Variants in BMPER observed in about 807,000 individuals in gnomAD.
BMPER encodes BMP-binding endothelial regulator protein.
Under a neutral mutation model 87.3 loss-of-function variants are expected in BMPER, and 45 were observed. The ratio of observed to expected loss-of-function variants is 0.52; its 90% confidence interval spans 0.41 to 0.66. The LOEUF (loss-of-function observed/expected upper bound fraction) is 0.66, where lower values mean the gene tolerates loss of function less well. Among genes scored for constraint, BMPER ranks in the 30% least tolerant of loss-of-function variants. The pLI is 0.00. For missense variants in BMPER, 784 were observed against 867.5 expected, an observed-to-expected ratio of 0.90 and a Z score of 1.21; for synonymous variants, 326 against 316.2, an observed-to-expected ratio of 1.03 and a Z score of -0.33.
intron 12 of BMPER, among the ~76,000 whole-genome samples, chr7:34,079,469 C>T (rs1788955428): frequency 1.3e-5 from 2 of 152,180 alleles, no homozygotes; most frequent in African/African-American, 2.4e-5. Flanking sequence ...CCTTTCCATC[C>T]TCTGTCTAAA....
intron 10 of BMPER, 39 bp from the exon 11 acceptor site, chr7:34,061,963 T>C: frequency 1.3e-6 from 2 of 1,536,216 alleles, no homozygotes; most frequent in Non-Finnish European, 8.9e-7. Context: ...TTTTTTTTTT[T>C]TTAAACAGTA....
chr7:34,144,179 T>C (rs1266153408), intron 14 of BMPER, among the ~76,000 whole-genome samples: 1 of 151,996 alleles, frequency 6.6e-6, no homozygotes, highest in East Asian at 1.9e-4. Flanking sequence ...GGGCAAGCAT[T>C]CTATGCAGAG....
intron 4 of BMPER, 38 bp downstream of exon 4, chr7:33,966,599 T>C: frequency 6.3e-7 from 1 of 1,582,850 alleles, no homozygotes; most frequent in African/African-American, 1.3e-5. Context: ...TAAAAAGGAA[T>C]CCATAGAGTC....
chr7:34,155,018 A>T lies in BMPER; in HGVS notation c.*1745A>T, dbSNP rs577534938. The T allele has an allele frequency of 2.0e-5, 3 of 152,280 alleles. No individual in the cohort carries two copies. Among genetic ancestry groups the T allele is most frequent in the African/African-American group, 7.2e-5 (3 of 41,560 alleles). 9.4% of individuals were successfully genotyped at this position (152,280 alleles called of 1,614,324 possible). On this transcript the variant is annotated 3_prime_UTR_variant, in exon 15 of 15. Transcript: ENST00000649409. Reference sequence around the variant, plus strand: ...GCATTTGGGGGTCTCACTTTTGCTTATCTGTAACACAAAGAGGCCATGTAG... The same window carrying T: ...GCATTTGGGGGTCTCACTTTTGCTTTTCTGTAACACAAAGAGGCCATGTAG...
At chr7:33,938,115 T>C (rs1269518147) in intron 3 of BMPER, among the ~76,000 whole-genome samples, 1 of 152,172 alleles carries the variant, frequency 6.6e-6, no homozygotes, top group Non-Finnish European at 1.5e-5. Context: ...GGTGTGATTT[T>C]CCCCCTCTGT....
intron 6 of BMPER, among the ~76,000 whole-genome samples, chr7:33,990,650 A>T (rs1254282926): frequency 6.6e-6 from 1 of 151,134 alleles, no homozygotes; most frequent in East Asian, 1.9e-4. Context: ...TTCCAAAACT[A>T]TGTTGAATAG....
At chr7:34,034,002 A>G (rs1270969385) in intron 6 of BMPER, among the ~76,000 whole-genome samples, 2 of 152,148 alleles carry the variant, frequency 1.3e-5, no homozygotes, top group African/African-American at 4.8e-5. Context: ...GTGTTTCTCC[A>G]TCCTTCTTGA....
At chr7:33,976,131 T>C (rs2127912715) in intron 6 of BMPER, among the ~76,000 whole-genome samples, 1 of 152,230 alleles carries the variant, frequency 6.6e-6, no homozygotes, top group South Asian at 2.1e-4. Context: ...CTCCTGCTAA[T>C]TATGACTAAA....
At chr7:34,135,884 G>T (rs1470862777) in intron 13 of BMPER, among the ~76,000 whole-genome samples, 1 of 152,080 alleles carries the variant, frequency 6.6e-6, no homozygotes, top group African/African-American at 2.4e-5. Context: ...GGGATGAGGG[G>T]AGAATTTGGG....
At chr7:34,126,310 A>C (rs1287656180) in intron 13 of BMPER, among the ~76,000 whole-genome samples, 1 of 152,214 alleles carries the variant, frequency 6.6e-6, no homozygotes, top group Non-Finnish European at 1.5e-5. Context: ...ATGGAGATGA[A>C]GGTGTAAAGC....
Position 34,047,795 on chromosome 7 carries a change from C to CTTCCTTCCTTCCCTCCTTCCTTCCTTCA in BMPER, c.676+1402_676+1403insCTCCTTCCTTCCTTCATTCCTTCCTTCC, listed in dbSNP as rs1788017218. Among the ~76,000 whole-genome samples the CTTCCTTCCTTCCCTCCTTCCTTCCTTCA allele has an allele frequency of 1.2e-3, 40 of 33,390 alleles. 1 individual carries two copies. Among genetic ancestry groups the CTTCCTTCCTTCCCTCCTTCCTTCCTTCA allele is most frequent in the Admixed American group, 1.5e-3 (5 of 3,264 alleles). The allele number at this position is 33,390 out of a possible 152,430, so 21.9% of individuals were successfully genotyped here. On this transcript the variant is annotated intron_variant, in intron 7 of 14. Transcript: ENST00000649409. ...TATTTCTCTTGATTTTCTTTCCTTC[C>CTTCCTTCCTTCCCTCCTTCCTTCCTTCA]TTCCTTCCTTCCTTTCTTCCTCACT...
At chr7:33,936,902 C>A (rs752226245) in intron 2 of BMPER, among the ~76,000 whole-genome samples, 1 of 152,184 alleles carries the variant, frequency 6.6e-6, no homozygotes. Context: ...TTTGTTCTCA[C>A]GATGCAGTCC....
chr7:34,018,228 T>G (rs1787086002), intron 6 of BMPER, among the ~76,000 whole-genome samples: 1 of 151,896 alleles, frequency 6.6e-6, no homozygotes, highest in African/African-American at 2.4e-5. Context: ...TGTGGAAAAG[T>G]AGGTGACTTC....
intron 7 of BMPER, among the ~76,000 whole-genome samples, chr7:34,047,840 T>TCCC (rs1788028167): frequency 1.1e-4 from 16 of 149,790 alleles, no homozygotes; most frequent in African/African-American, 3.2e-4. Context: ...TCTTGCTTTC[T>TCCC]TTCTCTTTCT....
chr7:34,068,079 A>G (rs1056306581), intron 11 of BMPER, among the ~76,000 whole-genome samples: 3 of 152,056 alleles, frequency 2.0e-5, no homozygotes, highest in Non-Finnish European at 2.9e-5. Context: ...CACCAGCAGC[A>G]GCAGCAGCTA....
At chr7:34,063,180 A>G (rs1562719266) in intron 11 of BMPER, among the ~76,000 whole-genome samples, 1 of 152,240 alleles carries the variant, frequency 6.6e-6, no homozygotes, top group African/African-American at 2.4e-5. Context: ...TAACAAAGTC[A>G]TAAAGTCTAT....
chr7:33,959,576 T>C (rs1236195429), intron 3 of BMPER, among the ~76,000 whole-genome samples: 1 of 152,172 alleles, frequency 6.6e-6, no homozygotes, highest in Non-Finnish European at 1.5e-5. Flanking sequence ...CACTCCCATA[T>C]TTAGAAGTGT....
At chr7:34,109,671 C>T (rs1290696132) in intron 13 of BMPER, among the ~76,000 whole-genome samples, 1 of 152,178 alleles carries the variant, frequency 6.6e-6, no homozygotes. Flanking sequence ...CAGTTAGGCT[C>T]TGAGGGAGAA....
intron 2 of BMPER, among the ~76,000 whole-genome samples, chr7:33,924,034 C>T (rs1366595703): frequency 1.5e-4 from 23 of 152,254 alleles, no homozygotes; most frequent in Admixed American, 1.2e-3. Context: ...GGTGTCTCCA[C>T]GTGGATGTTG....
Sources: allele counts gnomAD v4.1 joint callset (sites outside exome capture counted in the v4.1 genomes callset), GRCh38; gene constraint gnomAD v4.1.1; transcripts MANE v1.5; gene names NCBI Gene and HGNC (gene_info 2026-07-23, HGNC 2026-07-21).